CSMD1: variants seen among roughly 807,000 people sequenced by gnomAD.
The protein encoded by CSMD1 is CUB and sushi domain-containing protein 1.
A neutral mutation model predicts 417.5 loss-of-function variants in CSMD1; 213 were observed. The observed-to-expected ratio is 0.51, with a 90% confidence interval of 0.46 to 0.57. The LOEUF (loss-of-function observed/expected upper bound fraction) is 0.57. Ranked by LOEUF, CSMD1 falls within the 20% of genes least tolerant of loss-of-function variation. The pLI is 0.00. For synonymous variants in CSMD1, 2,862 were observed against 1,736.8 expected (o/e 1.65, Z -16.11); for missense variants, 6,923 against 4,529.7 (o/e 1.53, Z -15.17).
intron 5 of CSMD1, among the ~76,000 whole-genome samples, chr8:3,788,295 A>G (rs1030338353): frequency 6.6e-6 from 1 of 152,164 alleles, no homozygotes; most frequent in African/African-American, 2.4e-5. Flanking sequence ...TTTTCATAGC[A>G]TTTTAGTAAA....
At chr8:4,071,396 C>T (rs1249727310) in intron 3 of CSMD1, among the ~76,000 whole-genome samples, 1 of 139,568 alleles carries the variant, frequency 7.2e-6, no homozygotes, top group East Asian at 2.1e-4. Flanking sequence ...AGTAAACCTA[C>T]TTTAAAAAAA....
At chr8:4,706,707 A>G (rs1407183716) in intron 1 of CSMD1, among the ~76,000 whole-genome samples, 2 of 152,200 alleles carry the variant, frequency 1.3e-5, no homozygotes, top group Non-Finnish European at 2.9e-5. Flanking sequence ...AAAGTCCAAA[A>G]AACAAAAGAC....
chr8:3,343,917 A>G (rs1160233590), intron 22 of CSMD1, among the ~76,000 whole-genome samples: 1 of 152,160 alleles, frequency 6.6e-6, no homozygotes, highest in Non-Finnish European at 1.5e-5. Flanking sequence ...AAGGACAACA[A>G]GATGTGCCGG....
intron 26 of CSMD1, among the ~76,000 whole-genome samples, chr8:3,243,621 G>C (rs1033744426): frequency 6.6e-6 from 1 of 152,056 alleles, no homozygotes; most frequent in Non-Finnish European, 1.5e-5. Context: ...GTGGTGGAAT[G>C]TCATCAGTTA....
rs59220995 is a variant in CSMD1 at position 4,512,298 on chromosome 8, T to C, written c.303-92233A>G. 8.6e-3 allele frequency among the ~76,000 whole-genome samples: 1,307 copies of C among 152,230 alleles called. 23 individuals are homozygous for C. Among genetic ancestry groups the C allele is most frequent in the African/African-American group, 0.03 (1,243 of 41,526 alleles). On this transcript the variant is annotated intron_variant, in intron 2 of 69. Coordinates refer to ENST00000635120, the MANE Select transcript of CSMD1 (RefSeq NM_033225.6). Reference sequence around the variant, plus strand: ...CAAGAGGGAAACCTTCTCAATCTGGTAAAGAATATCTACCAAAAAACCCTG... The same window carrying C: ...CAAGAGGGAAACCTTCTCAATCTGGCAAAGAATATCTACCAAAAAACCCTG...
At chr8:3,554,197 T>G (rs866206607) in intron 10 of CSMD1, among the ~76,000 whole-genome samples, 2 of 152,136 alleles carry the variant, frequency 1.3e-5, no homozygotes, top group Non-Finnish European at 2.9e-5. Context: ...ATATAGCCAT[T>G]TAAGGCAAAA....
At chr8:3,862,680 C>T (rs546249170) in intron 5 of CSMD1, among the ~76,000 whole-genome samples, 57 of 152,250 alleles carry the variant, frequency 3.7e-4, no homozygotes, top group African/African-American at 1.3e-3. Flanking sequence ...ATTCAACGTG[C>T]TTTTCTATAT....
chr8:4,233,452 G>T (rs553329062), intron 3 of CSMD1, among the ~76,000 whole-genome samples: 1 of 152,182 alleles, frequency 6.6e-6, no homozygotes, highest in Non-Finnish European at 1.5e-5. Flanking sequence ...ATTTGGAGAT[G>T]GGACCTTTGG....
At chr8:4,360,852 C>A (rs1025504677) in intron 3 of CSMD1, among the ~76,000 whole-genome samples, 1 of 152,094 alleles carries the variant, frequency 6.6e-6, no homozygotes, top group Non-Finnish European at 1.5e-5. Flanking sequence ...TTCTGGTCTC[C>A]TTTATCTATC....
chr8:3,896,542 C>T (rs960490256), intron 5 of CSMD1, among the ~76,000 whole-genome samples: 3 of 151,784 alleles, frequency 2.0e-5, no homozygotes, highest in African/African-American at 4.8e-5. Flanking sequence ...GACAGAGTCT[C>T]GCTCTGTCAC....
intron 12 of CSMD1, among the ~76,000 whole-genome samples, chr8:3,434,034 C>G (rs556481258): frequency 1.3e-5 from 2 of 152,202 alleles, no homozygotes; most frequent in African/African-American, 2.4e-5. Context: ...TGAACTACAA[C>G]AATCGCATCA....
intron 5 of CSMD1, among the ~76,000 whole-genome samples, chr8:3,768,979 G>T (rs953870724): frequency 6.6e-6 from 1 of 152,228 alleles, no homozygotes; most frequent in Non-Finnish European, 1.5e-5. Context: ...AAGGCCTGGC[G>T]GATTCCCGCA....
chr8:3,683,943 G>A (rs572097452), intron 7 of CSMD1, among the ~76,000 whole-genome samples: 107 of 151,794 alleles, frequency 7.0e-4, no homozygotes, highest in Non-Finnish European at 1.4e-3. Context: ...AGCAAATTTA[G>A]GACAATGCAC....
Position 4,001,976 on chromosome 8 carries a change from G to C in CSMD1, c.611-3866C>G, listed in dbSNP as rs138319187. ...ATGTCCATAGAATATTCCGGAATGA[G>C]TTACAGTTAGAATCAGGCCAAAATA... On this transcript the variant is annotated intron_variant, in intron 4 of 69. Transcript: ENST00000635120. Among the ~76,000 whole-genome samples, 276 of 152,226 alleles carry C rather than the reference G, an allele frequency of 1.8e-3. 1 individual carries two copies. Among genetic ancestry groups the C allele is most frequent in the African/African-American group, 6.3e-3 (261 of 41,534 alleles).
intron 3 of CSMD1, among the ~76,000 whole-genome samples, chr8:4,098,207 T>A (rs1213920350): frequency 6.6e-6 from 1 of 152,222 alleles, no homozygotes; most frequent in East Asian, 1.9e-4. Flanking sequence ...CACAATTCTA[T>A]ACACATACTT....
At chr8:3,683,155 C>A (rs1585069898) in intron 7 of CSMD1, among the ~76,000 whole-genome samples, 1 of 151,756 alleles carries the variant, frequency 6.6e-6, no homozygotes, top group Non-Finnish European at 1.5e-5. Context: ...ATGTAACAAA[C>A]CTGCACGTTG....
chr8:4,264,328 G>A (rs1804092710), intron 3 of CSMD1, among the ~76,000 whole-genome samples: 2 of 152,032 alleles, frequency 1.3e-5, no homozygotes, highest in African/African-American at 4.8e-5. Flanking sequence ...TCAATTTTCA[G>A]GAAAAATACT....
chr8:3,727,471 A>C (rs1489891185), intron 6 of CSMD1, among the ~76,000 whole-genome samples: 2 of 152,238 alleles, frequency 1.3e-5, no homozygotes, highest in Middle Eastern at 3.2e-3. Flanking sequence ...TGCATTAAAA[A>C]TGAATAAAGA....
intron 49 of CSMD1, among the ~76,000 whole-genome samples, chr8:3,086,869 G>C (rs920644118): frequency 6.6e-6 from 1 of 152,156 alleles, no homozygotes; most frequent in African/African-American, 2.4e-5. Context: ...AGAATAACTT[G>C]ACCCAGGATC....
Sources: gnomAD v4.1 joint callset for allele counts (sites outside exome capture counted in the v4.1 genomes callset) on GRCh38, gnomAD v4.1.1 for gene constraint, MANE v1.5 for transcripts, NCBI Gene and HGNC (gene_info 2026-07-23, HGNC 2026-07-21) for gene names.